The following BOD1L1 variants were observed in gnomAD, a reference collection of about 807,000 sequenced individuals.
The protein encoded by BOD1L1 is biorientation of chromosomes in cell division 1 like 1, also known as biorientation of chromosomes in cell division protein 1-like 1.
BOD1L1 carries 86 observed loss-of-function variants against 240.7 expected under a neutral mutation model. The ratio of observed to expected loss-of-function variants is 0.36; its 90% CI spans 0.30 to 0.43. BOD1L1 has a LOEUF of 0.43. Among genes scored for constraint, BOD1L1 ranks in the 20% least tolerant of loss-of-function variants. The probability of loss-of-function intolerance (pLI) is 1.00; values close to 1 mark genes in which losing one functional copy is unlikely to be tolerated. For synonymous variants in BOD1L1, 1,268 were observed against 1,272.3 expected, an observed-to-expected ratio of 1.00 and a Z score of 0.07; for missense variants, 3,554 against 3,643.5, an observed-to-expected ratio of 0.98 and a Z score of 0.63.
Position 13,602,863 on chromosome 4 carries a change from C to A in BOD1L1, c.4037G>T (p.Gly1346Val), listed in dbSNP as rs1290147789. The change falls in exon 10 of 26, where the codon GGT becomes GTT. Residue 1346 changes from glycine to valine, a missense_variant. By Grantham distance (109) the Gly-to-Val change is moderately radical (BLOSUM62 -3). Transcript: ENST00000040738. ...TGTATCTACTGTGAAACCTTCACCA[C>A]CTTCTTTGCTGTCACTTGTCTTAAG... ...EVLKTSDSKE[G>V]GEGFTVDTPA... 6.2e-7 allele frequency: 1 copy of A among 1,613,902 alleles called. No individual in the cohort carries two copies. Among genetic ancestry groups the A allele is most frequent in the Non-Finnish European group, 8.5e-7 (1 of 1,179,892 alleles).
At position 13,600,884 on chromosome 4, in the gene BOD1L1, C is replaced by G. The variant is rs780036784; in HGVS notation, c.6016G>C (p.Gly2006Arg). The G allele has an allele frequency of 1.2e-6, 2 of 1,613,742 alleles. No individual in the cohort carries two copies. Among genetic ancestry groups the G allele is most frequent in the Non-Finnish European group, 1.7e-6 (2 of 1,179,862 alleles). The part of the protein sequence containing the change: ...DTTISTGLVG[G>R]SYDVLVSGEV... Reference sequence around the variant, plus strand: ...CCAGATACAAGAACATCGTAACTACCCCCGACCAGGCCAGTGGAAATAGTG... The same window carrying G: ...CCAGATACAAGAACATCGTAACTACGCCCGACCAGGCCAGTGGAAATAGTG... The change falls in exon 10 of 26, where the codon GGT becomes CGT. Residue 2006 changes from glycine (G) to arginine (R), a missense_variant. Gly to Arg is a moderately radical substitution (Grantham distance 125). Coordinates refer to ENST00000040738, the MANE Select transcript of BOD1L1 (RefSeq NM_148894.3).
At position 13,602,491 on chromosome 4, in the gene BOD1L1, G is replaced by A; in HGVS notation, c.4409C>T (p.Ser1470Leu). The change falls in exon 10 of 26, where the codon TCA becomes TTA. Residue 1470 changes from serine (S) to leucine (L), a missense_variant. Coordinates refer to ENST00000040738, the MANE Select transcript of BOD1L1 (RefSeq NM_148894.3). ...KRSPGKVKDI[S>L]IDVERRNENS... ...TTCATTCCTTCTTTCAACATCAATT[G>A]ATATGTCTTTTACTTTACCTGGGCT... 1 of 1,613,876 alleles carries A rather than the reference G, an allele frequency of 6.2e-7. No homozygotes were observed. Among genetic ancestry groups the A allele is most frequent in the Non-Finnish European group, 8.5e-7 (1 of 1,179,844 alleles).
intron 16 of BOD1L1, 57 bp from the exon 17 acceptor site, chr4:13,586,532 T>C (rs1467147186): frequency 1.7e-6 from 2 of 1,168,092 alleles, no homozygotes; most frequent in East Asian, 2.4e-5. Flanking sequence ...AAAAATGAAA[T>C]GCATAGTTCT....
chr4:13,574,153 G>A (rs746185763), intron 25 of BOD1L1, among the ~76,000 whole-genome samples: 14 of 152,240 alleles, frequency 9.2e-5, no homozygotes, highest in Non-Finnish European at 1.6e-4. Context: ...CAGGGAGGCC[G>A]GCTTCTACTG....
chr4:13,609,584 A>T (rs1046910486), intron 6 of BOD1L1, among the ~76,000 whole-genome samples, 178 bp from the exon 7 acceptor site: 2 of 152,158 alleles, frequency 1.3e-5, no homozygotes, highest in Admixed American at 1.3e-4. Context: ...GTATACATAC[A>T]TATGTATGTG....
In BOD1L1 at chr4:13,626,859, T is replaced by C. The variant is rs1017863416; in HGVS notation, c.243+486A>G. 4.1e-4 allele frequency among the ~76,000 whole-genome samples: 63 copies of C among 152,192 alleles called. 2 individuals are homozygous for C. ...CTAGAAACAATACTAAAGTCCTGTC[T>C]CAGGTTTGCCTCCTTATCTTTGCGC... is the stretch of plus-strand genomic sequence containing the variant. On this transcript the variant is annotated intron_variant, in intron 1 of 25. Coordinates refer to ENST00000040738, the MANE Select transcript of BOD1L1 (RefSeq NM_148894.3).
intron 22 of BOD1L1, among the ~76,000 whole-genome samples, chr4:13,579,562 A>C (rs1346527744): frequency 6.6e-6 from 1 of 152,216 alleles, no homozygotes; most frequent in African/African-American, 2.4e-5. Flanking sequence ...TTTATGTAAA[A>C]AATTTTAGAC....
intron 6 of BOD1L1, among the ~76,000 whole-genome samples, chr4:13,610,328 G>GT (rs1267011397): frequency 6.6e-6 from 1 of 150,508 alleles, no homozygotes; most frequent in African/African-American, 2.4e-5. Context: ...GCTGCATACT[G>GT]TATTTTTGCA....
intron 25 of BOD1L1, among the ~76,000 whole-genome samples, chr4:13,572,188 C>T (rs1389836075): frequency 4.6e-5 from 7 of 152,068 alleles, no homozygotes; most frequent in Non-Finnish European, 8.8e-5. Flanking sequence ...TGAAGCGGGA[C>T]GGAAAGGATC....
At chr4:13,612,935 T>C (rs1012106652) in intron 5 of BOD1L1, among the ~76,000 whole-genome samples, 5 of 152,184 alleles carry the variant, frequency 3.3e-5, no homozygotes, top group African/African-American at 1.2e-4. Flanking sequence ...TCTGCATATG[T>C]TGTCAGACAT....
rs1560215479 is a variant in BOD1L1 at position 13,614,558 on chromosome 4, A to G, written c.812T>C (p.Leu271Pro). 6.2e-7 allele frequency: 1 copy of G among 1,613,842 alleles called. No individual in the cohort carries two copies. The highest frequency in any genetic ancestry group is 1.3e-5 in the African/African-American group (1 of 74,910). ...KSTADSGGEG[L>P]ETAPKSEEFS... Reference sequence around the variant, plus strand: ...CTCTTCAGACTTTGGGGCTGTTTCCAGTCCTTCACCTCCAGAGTCAGCTGT... The same window carrying G: ...CTCTTCAGACTTTGGGGCTGTTTCCGGTCCTTCACCTCCAGAGTCAGCTGT... Residue 271 changes from leucine (L) to proline (P), a missense_variant, in exon 4 of 26, where the codon CTG (leucine) becomes CCG (proline). Physicochemically the swap from Leu to Pro is moderately conservative, Grantham distance 98. Coordinates refer to ENST00000040738, the MANE Select transcript of BOD1L1 (RefSeq NM_148894.3).
At chr4:13,575,228 G>A (rs1712610896) in intron 25 of BOD1L1, among the ~76,000 whole-genome samples, 3 of 151,806 alleles carry the variant, frequency 2.0e-5, no homozygotes, top group Admixed American at 2.0e-4. Context: ...CCCGATTTTA[G>A]TTCTTTATGT....
intron 6 of BOD1L1, 146 bp downstream of exon 6, chr4:13,610,788 C>G (rs1161493501): frequency 5.5e-6 from 3 of 548,032 alleles, no homozygotes; most frequent in East Asian, 3.1e-5. Flanking sequence ...ATGTTTACAT[C>G]TACTCTACCT....
intron 6 of BOD1L1, 143 bp downstream of exon 6, chr4:13,610,791 C>A (rs755545909): frequency 5.2e-5 from 30 of 580,724 alleles, no homozygotes; most frequent in Non-Finnish European, 7.5e-5. Flanking sequence ...TTTACATCTA[C>A]TCTACCTAGT....
At chr4:13,609,830 T>C (rs543052646) in intron 6 of BOD1L1, among the ~76,000 whole-genome samples, 50 of 152,298 alleles carry the variant, frequency 3.3e-4, no homozygotes, top group African/African-American at 1.1e-3. Context: ...AAATAAAAAT[T>C]CAAGTGATAG....
chr4:13,607,142 G>A lies in BOD1L1; in HGVS notation c.1790C>T (p.Ser597Phe). ...CTCACTTGTTTTAAGGGTTTCTTTG[G>A]AATCTTCTTCATATTGCTGTTTCTT... ...SKKKQQYEED[S>F]KETLKTSEHC... Residue 597 changes from serine (S) to phenylalanine (F), a missense_variant, in exon 9 of 26, where the codon TCC (serine) becomes TTC (phenylalanine). Coordinates refer to ENST00000040738, the MANE Select transcript of BOD1L1 (RefSeq NM_148894.3). 6.4e-7 allele frequency: 1 copy of A among 1,572,380 alleles called. No homozygotes were observed. Among genetic ancestry groups the A allele is most frequent in the Non-Finnish European group, 8.6e-7 (1 of 1,159,068 alleles).
intron 21 of BOD1L1, among the ~76,000 whole-genome samples, chr4:13,580,338 A>T (rs1030705278): frequency 2.0e-5 from 3 of 152,232 alleles, no homozygotes; most frequent in African/African-American, 7.2e-5. Context: ...TGCAGGCATC[A>T]TACCACTTCA....
Position 13,581,039 on chromosome 4 carries a change from G to A in BOD1L1, c.8684C>T (p.Thr2895Ile). 1 of 1,573,230 alleles carries A rather than the reference G, an allele frequency of 6.4e-7. No homozygotes were observed. Among genetic ancestry groups the A allele is most frequent in the South Asian group, 1.2e-5 (1 of 85,184 alleles). Reference protein sequence around the residue: ...TTLKMKDDSKTDTGIVTVEQS... With the variant: ...TTLKMKDDSKIDTGIVTVEQS... The stretch of plus-strand genomic sequence containing the variant: ...ACTTACAGTGACAATGCCAGTATCT[G>A]TTTTGGAGTCGTCTTCTAAAAAAAA... Residue 2895 changes from threonine to isoleucine, a missense_variant, in exon 21 of 26, where the codon ACA becomes ATA. Physicochemically the swap from Thr to Ile is moderately conservative, Grantham distance 89. Transcript: ENST00000040738.
intron 25 of BOD1L1, among the ~76,000 whole-genome samples, chr4:13,572,491 G>A (rs1365566418): frequency 1.3e-5 from 2 of 152,250 alleles, no homozygotes; most frequent in Non-Finnish European, 2.9e-5. Flanking sequence ...TCAAGGACAA[G>A]CCTGTGTGGC....
Sources: gnomAD v4.1 joint callset for allele counts (sites outside exome capture counted in the v4.1 genomes callset) on GRCh38, gnomAD v4.1.1 for gene constraint, MANE v1.5 for transcripts, NCBI Gene and HGNC (gene_info 2026-07-23, HGNC 2026-07-21) for gene names.